COL19A1: variants seen among roughly 807,000 people sequenced by gnomAD.
COL19A1 encodes collagen type XIX alpha 1 chain.
Under a neutral mutation model 190.2 loss-of-function variants are expected in COL19A1, and 159 were observed. The ratio of observed to expected loss-of-function variants is 0.84; its 90% CI spans 0.73 to 0.95. The LOEUF (loss-of-function observed/expected upper bound fraction) is 0.95, where lower values mean the gene tolerates loss of function less well. COL19A1 is among the 40% of genes least tolerant of loss of function. COL19A1 has a pLI of 0.00. For synonymous variants in COL19A1, 509 were observed against 458.9 expected, an observed-to-expected ratio of 1.11 and a Z score of -1.39; for missense variants, 1,418 against 1,431.9, an observed-to-expected ratio of 0.99 and a Z score of 0.16.
rs573549706 is a variant in COL19A1, at chr6:70,035,498, A to G, written c.1135-406A>G. 2.0e-5 allele frequency among the ~76,000 whole-genome samples: 3 copies of G among 152,302 alleles called. No individual in the cohort carries two copies. The East Asian group carries it at 5.8e-4, about 29-fold the overall frequency. ...TGCAGCTGGGAAGCATGAAATGGGGAGATCCACTTATTATTTCTGCTGATC... is the reference window on the plus strand; with the variant it reads ...TGCAGCTGGGAAGCATGAAATGGGGGGATCCACTTATTATTTCTGCTGATC... On this transcript the variant is annotated intron_variant, in intron 13 of 50. Transcript: ENST00000620364.
chr6:70,183,440 G>T (rs1766309339), intron 44 of COL19A1, among the ~76,000 whole-genome samples: 1 of 152,088 alleles, frequency 6.6e-6, no homozygotes, highest in Non-Finnish European at 1.5e-5. Flanking sequence ...TAAATTACTG[G>T]AGATAAAAAA....
intron 15 of COL19A1, among the ~76,000 whole-genome samples, chr6:70,086,711 A>G (rs1782612544): frequency 6.6e-6 from 1 of 152,250 alleles, no homozygotes; most frequent in Non-Finnish European, 1.5e-5. Flanking sequence ...CTTTCAAGGC[A>G]TAATTAGTTT....
chr6:70,123,601 A>G (rs1364631509), intron 17 of COL19A1, among the ~76,000 whole-genome samples: 2 of 128,968 alleles, frequency 1.6e-5, no homozygotes, highest in African/African-American at 6.9e-5. Flanking sequence ...AATGTGGCAC[A>G]TATACACCAT....
chr6:70,177,637 G>A (rs541421937), intron 42 of COL19A1, among the ~76,000 whole-genome samples: 27 of 152,320 alleles, frequency 1.8e-4, no homozygotes, highest in African/African-American at 6.5e-4. Flanking sequence ...ATAAAAGGAA[G>A]TATTCTTGAA....
At chr6:70,002,150 T>G (rs1031173963) in intron 11 of COL19A1, among the ~76,000 whole-genome samples, 12 of 152,214 alleles carry the variant, frequency 7.9e-5, no homozygotes, top group Non-Finnish European at 1.5e-4. Flanking sequence ...TGGTTCTGTT[T>G]ATGTGATGGA....
At chr6:70,062,807 C>G (rs1232994381) in intron 14 of COL19A1, among the ~76,000 whole-genome samples, 1 of 151,256 alleles carries the variant, frequency 6.6e-6, no homozygotes, top group South Asian at 2.1e-4. Context: ...AAATGGAAAA[C>G]AAAAAAAGGC....
chr6:70,073,999 G>A (rs1781709783), intron 15 of COL19A1, among the ~76,000 whole-genome samples: 1 of 152,186 alleles, frequency 6.6e-6, no homozygotes, highest in Non-Finnish European at 1.5e-5. Context: ...GGACATCAAA[G>A]TCATTGCTTC....
At chr6:70,044,741 C>T (rs936411499) in intron 14 of COL19A1, among the ~76,000 whole-genome samples, 1 of 152,154 alleles carries the variant, frequency 6.6e-6, no homozygotes, top group Non-Finnish European at 1.5e-5. Context: ...TAATGTCCCT[C>T]TTGTCCATAA....
intron 4 of COL19A1, among the ~76,000 whole-genome samples, chr6:69,904,069 G>A (rs1329411221): frequency 1.3e-5 from 2 of 152,258 alleles, no homozygotes; most frequent in Admixed American, 6.5e-5. Flanking sequence ...CTTCATGTAG[G>A]CAGTGCCCCA....
At chr6:69,916,484 T>G (rs1381545714) in intron 4 of COL19A1, among the ~76,000 whole-genome samples, 1 of 152,236 alleles carries the variant, frequency 6.6e-6, no homozygotes, top group Non-Finnish European at 1.5e-5. Context: ...CAATAGGCAG[T>G]AATTTCTATT....
At chr6:69,991,962 T>C (rs760815352) in intron 11 of COL19A1, among the ~76,000 whole-genome samples, 23 of 152,310 alleles carry the variant, frequency 1.5e-4, no homozygotes, top group African/African-American at 5.5e-4. Flanking sequence ...ATCTTCATCA[T>C]GAAATCTTTG....
chr6:70,130,111 C>T, intron 17 of COL19A1, 71 bp from the exon 18 acceptor site: 3 of 1,531,514 alleles, frequency 2.0e-6, no homozygotes, highest in Non-Finnish European at 2.7e-6. Flanking sequence ...ACTGCTTATA[C>T]TGTTACAGAT....
intron 17 of COL19A1, among the ~76,000 whole-genome samples, chr6:70,123,111 GA>G (rs1431556244): frequency 6.6e-6 from 1 of 151,974 alleles, no homozygotes; most frequent in East Asian, 1.9e-4. Context: ...AAATTTATAA[GA>G]AAAAAACAAA....
chr6:69,974,678 A>T (rs1217740176), intron 11 of COL19A1, among the ~76,000 whole-genome samples: 1 of 151,904 alleles, frequency 6.6e-6, no homozygotes, highest in Non-Finnish European at 1.5e-5. Context: ...TTAAGCCAAA[A>T]TTTGTTCCGT....
intron 14 of COL19A1, among the ~76,000 whole-genome samples, chr6:70,056,983 G>C (rs1780540527): frequency 6.6e-6 from 1 of 152,048 alleles, no homozygotes; most frequent in African/African-American, 2.4e-5. Context: ...AGTTTCCCAT[G>C]GTCTAGTCAT....
At chr6:70,190,905 G>A (rs1198482677) in intron 48 of COL19A1, among the ~76,000 whole-genome samples, 3 of 152,122 alleles carry the variant, frequency 2.0e-5, no homozygotes, top group Non-Finnish European at 4.4e-5. Flanking sequence ...CTTTTTGGTA[G>A]GGAGCAGTGG....
At chr6:70,206,858 G>T (rs1432941151) in intron 49 of COL19A1, 43 bp from the exon 50 acceptor site, 1 of 1,565,736 alleles carries the variant, frequency 6.4e-7, no homozygotes, top group Non-Finnish European at 8.7e-7. Context: ...TGTTGCCATA[G>T]AACCCTTTTT....
chr6:69,950,052 C>T (rs1582497944), intron 9 of COL19A1, among the ~76,000 whole-genome samples: 3 of 151,912 alleles, frequency 2.0e-5, no homozygotes, highest in Non-Finnish European at 1.5e-5. Flanking sequence ...CTATACTTTA[C>T]ACTTACATCA....
chr6:70,025,265 C>T lies in COL19A1; in HGVS notation c.1080+1585C>T, dbSNP rs527807674. ...CAGGATGGTCTCGATCTCCTGACCT[C>T]GTGATCCGCCCGCGTCGGCCTCCCA... On this transcript the variant is annotated intron_variant, in intron 12 of 50. Transcript: ENST00000620364. Among the ~76,000 whole-genome samples the T allele has an allele frequency of 3.3e-5, 5 of 152,244 alleles. No individual in the cohort carries two copies. The East Asian group carries it at 5.8e-4, about 18-fold the overall frequency.
Sources: gnomAD v4.1 joint callset for allele counts (sites outside exome capture counted in the v4.1 genomes callset) on GRCh38, gnomAD v4.1.1 for gene constraint, MANE v1.5 for transcripts, NCBI Gene and HGNC (gene_info 2026-07-23, HGNC 2026-07-21) for gene names.